COL5A1: variants seen among roughly 807,000 people sequenced by gnomAD.
COL5A1 encodes the protein collagen alpha-1(V) chain.
Under a neutral mutation model 263.7 loss-of-function variants are expected in COL5A1, and 16 were observed. The observed-to-expected ratio is 0.06, with a 90% CI of 0.04 to 0.09. COL5A1 has a LOEUF of 0.09. COL5A1 is among the 10% of genes least tolerant of loss of function. COL5A1 has a pLI of 1.00. For missense variants in COL5A1, 2,036 were observed against 2,540.5 expected (o/e 0.80, Z 4.27); for synonymous variants, 1,012 against 1,004.5 (o/e 1.01, Z -0.14).
At chr9:134,650,193 T>G (rs188558193) in intron 1 of COL5A1, among the ~76,000 whole-genome samples, 1 of 151,116 alleles carries the variant, frequency 6.6e-6, no homozygotes, top group East Asian at 1.9e-4. Flanking sequence ...ATAAAAAAAA[T>G]TTTTTTAAAT....
intron 52 of COL5A1, among the ~76,000 whole-genome samples, chr9:134,816,365 A>G (rs1220445648): frequency 6.6e-6 from 1 of 152,126 alleles, no homozygotes; most frequent in African/African-American, 2.4e-5. Flanking sequence ...CCGAGATCAC[A>G]CTGGACGTTG....
At chr9:134,719,205 T>C (rs943093107) in intron 4 of COL5A1, among the ~76,000 whole-genome samples, 2 of 152,192 alleles carry the variant, frequency 1.3e-5, no homozygotes, top group African/African-American at 4.8e-5. Flanking sequence ...TGTTCACATA[T>C]GCACACAAGG....
chr9:134,829,934 G>T, intron 63 of COL5A1, 42 bp from the exon 64 acceptor site: 3 of 1,593,276 alleles, frequency 1.9e-6, no homozygotes, highest in Non-Finnish European at 2.6e-6. Flanking sequence ...TAACCCTTTT[G>T]TTCTGTTTCT....
At chr9:134,834,862 TC>T in intron 64 of COL5A1, 108 bp from the exon 65 acceptor site, 1 of 801,648 alleles carries the variant, frequency 1.2e-6, no homozygotes. Context: ...TCCAGGTAGT[TC>T]CCCCGAGAAG....
At chr9:134,782,643 G>A in intron 28 of COL5A1, 24 bp from the exon 29 acceptor site, 20 of 1,613,132 alleles carry the variant, frequency 1.2e-5, no homozygotes, top group Non-Finnish European at 1.6e-5. Flanking sequence ...CCTAGACTAG[G>A]GCACTCTCTT....
chr9:134,792,525 T>G (rs1405458214), intron 32 of COL5A1, among the ~76,000 whole-genome samples: 2 of 152,112 alleles, frequency 1.3e-5, no homozygotes, highest in Non-Finnish European at 2.9e-5. Flanking sequence ...ACAGATCGCC[T>G]GGCTAATTTT....
intron 63 of COL5A1, among the ~76,000 whole-genome samples, chr9:134,826,654 CTGGTGGATGGGTGTGTGTATGGG>C (rs377336232): frequency 5.4e-5 from 8 of 146,896 alleles, no homozygotes; most frequent in Admixed American, 2.0e-4. Context: ...GTGCATGTGG[CTGGTGGATGGGTGTGTGTATGGG>C]TGGTGGATGG....
At chr9:134,753,745 G>A (rs554515368) in intron 14 of COL5A1, 105 bp from the exon 15 acceptor site, 116 of 708,478 alleles carry the variant, frequency 1.6e-4, no homozygotes, top group Admixed American at 2.5e-4. Flanking sequence ...CACCGTGGCC[G>A]AAGCCCTGTC....
At chr9:134,773,493 T>C (rs1366203789) in intron 26 of COL5A1, among the ~76,000 whole-genome samples, 1 of 152,122 alleles carries the variant, frequency 6.6e-6, no homozygotes, top group Non-Finnish European at 1.5e-5. Flanking sequence ...GCTTTTCTTG[T>C]GTGTTGAAAC....
intron 2 of COL5A1, chr9:134,691,612 A>G (rs997021244): frequency 3.0e-5 from 5 of 166,098 alleles, no homozygotes; most frequent in African/African-American, 1.2e-4. Flanking sequence ...GGGAAGCAGC[A>G]TTAGCTCTAA....
intron 11 of COL5A1, 37 bp downstream of exon 11, chr9:134,738,845 G>A (rs750744269): frequency 3.3e-5 from 52 of 1,566,298 alleles, no homozygotes; most frequent in Non-Finnish European, 4.4e-5. Flanking sequence ...ATCACACAAG[G>A]TGTGGGGCTG....
chr9:134,840,831 C>T (rs1409784490), intron 65 of COL5A1, among the ~76,000 whole-genome samples: 1 of 152,200 alleles, frequency 6.6e-6, no homozygotes, highest in Non-Finnish European at 1.5e-5. Flanking sequence ...TAATACCACT[C>T]ATGGGGTTCC....
chr9:134,746,256 C>T (rs986769268), intron 11 of COL5A1, among the ~76,000 whole-genome samples: 6 of 152,230 alleles, frequency 3.9e-5, no homozygotes, highest in African/African-American at 1.4e-4. Flanking sequence ...CACATGCACA[C>T]AAAGGTTCTG....
chr9:134,834,971 C>A lies in COL5A1; in HGVS notation c.5137C>A (p.Leu1713Ile). 6.2e-7 allele frequency: 1 copy of A among 1,611,574 alleles called. No homozygotes were observed. The highest frequency in any genetic ancestry group is 8.5e-7 in the Non-Finnish European group (1 of 1,178,540). Reference protein sequence around the residue: ...WFSEFKRGKLLSYVDAEGNPV... With the variant: ...WFSEFKRGKLISYVDAEGNPV... ...AGCCCCAACACCCCTGTCCCCCCAGCTCTCCTATGTGGACGCCGAGGGCAA... is the reference window on the plus strand; with the variant it reads ...AGCCCCAACACCCCTGTCCCCCCAGATCTCCTATGTGGACGCCGAGGGCAA... The change falls in exon 65 of 66, where the codon CTC (leucine) becomes ATC (isoleucine). Residue 1713 changes from leucine to isoleucine, a missense_variant and splice_region_variant. This residue lies in a region of COL5A1 where 358 missense variants were observed against 384.6 expected (regional missense o/e 0.93). Transcript: ENST00000371817.
At chr9:134,717,506 C>G (rs1174422008) in intron 4 of COL5A1, among the ~76,000 whole-genome samples, 1 of 152,178 alleles carries the variant, frequency 6.6e-6, no homozygotes, top group Non-Finnish European at 1.5e-5. Context: ...CCAGGTGAAC[C>G]CAGCTCCAGA....
In COL5A1 at chr9:134,675,746, G is replaced by C. The variant is rs368462331; in HGVS notation, c.110-15166G>C. On this transcript the variant is annotated intron_variant, in intron 1 of 65. Coordinates refer to ENST00000371817, the MANE Select transcript of COL5A1 (RefSeq NM_000093.5). ...TGTGTGGTGTTGATCCTGGCTGTTG[G>C]CTGAGGGCCTGGGGTTCTCTTCACA... Among the ~76,000 whole-genome samples, 16 of 152,282 alleles carry C rather than the reference G, an allele frequency of 1.1e-4. No individual in the cohort carries two copies. In the East Asian group the frequency reaches 3.1e-3, roughly 29 times the overall value.
intron 25 of COL5A1, among the ~76,000 whole-genome samples, chr9:134,769,430 G>T (rs1437415835): frequency 1.3e-5 from 2 of 152,218 alleles, no homozygotes; most frequent in African/African-American, 4.8e-5. Context: ...CCAATGTGTT[G>T]TGTCCTTTAA....
intron 1 of COL5A1, among the ~76,000 whole-genome samples, chr9:134,658,111 C>T (rs1169507601): frequency 6.6e-6 from 1 of 152,050 alleles, no homozygotes; most frequent in African/African-American, 2.4e-5. Context: ...GGTCTTTTCT[C>T]AGCCTCAGTG....
At chr9:134,727,219 C>A (rs183059598) in intron 4 of COL5A1, 47 bp from the exon 5 acceptor site, 1 of 1,608,078 alleles carries the variant, frequency 6.2e-7, no homozygotes, top group Non-Finnish European at 8.5e-7. Context: ...GGTCCCCATG[C>A]GAGTGCTCTG....
Sources: gnomAD v4.1 joint callset for allele counts (sites outside exome capture counted in the v4.1 genomes callset) on GRCh38, gnomAD v4.1.1 for gene constraint, gnomAD v4.1.1 regional missense constraint, MANE v1.5 for transcripts, NCBI Gene and HGNC (gene_info 2026-07-23, HGNC 2026-07-21) for gene names.